Variants in WDR49 observed in about 807,000 individuals in gnomAD.
WDR49 encodes WD repeat domain 49, also known as cilia- and flagella-associated protein 337.
Under a neutral mutation model 119.5 loss-of-function variants are expected in WDR49, and 107 were observed. The ratio of observed to expected loss-of-function variants is 0.90; its 90% CI spans 0.77 to 1.05. The LOEUF is 1.05. Among genes scored for constraint, WDR49 ranks in the 50% least tolerant of loss-of-function variants. The pLI, the probability that WDR49 is intolerant of heterozygous loss-of-function variation, is 0.00. For missense variants in WDR49, 1,240 were observed against 1,220.5 expected (o/e 1.02, Z -0.24); for synonymous variants, 425 against 418.8 (o/e 1.01, Z -0.18).
intron 9 of WDR49, 90 bp from the exon 10 acceptor site, chr3:167,554,888 A>G: frequency 6.4e-6 from 6 of 931,280 alleles, no homozygotes; most frequent in Non-Finnish European, 9.5e-6. Flanking sequence ...ATATGTAATC[A>G]TTAAAGAAAA....
chr3:167,527,996 T>C lies in WDR49; in HGVS notation c.2428A>G (p.Lys810Glu). The C allele has an allele frequency of 6.2e-7, 1 of 1,612,994 alleles. No individual in the cohort carries two copies. The highest frequency in any genetic ancestry group is 2.2e-5 in the East Asian group (1 of 44,804). The part of the protein sequence containing the change: ...NIEEYCLNSS[K>E]NKITKAPTLI... ...GTTGGGGCCTTGGTGATTTTGTTCT[T>C]ACTGGAGTTAAGACAGTACTCCTGA... The change falls in exon 15 of 19, where the codon AAG (lysine) becomes GAG (glutamate). Residue 810 changes from lysine to glutamate, a missense_variant. Transcript: ENST00000682715.
chr3:167,479,950 G>T (rs929249095), intron 18 of WDR49, among the ~76,000 whole-genome samples: 7 of 152,028 alleles, frequency 4.6e-5, no homozygotes, highest in Non-Finnish European at 1.0e-4. Flanking sequence ...GGAAAAAAAG[G>T]CCGGGCACGG....
At chr3:167,623,568 A>C (rs1263844354) in intron 3 of WDR49, among the ~76,000 whole-genome samples, 1 of 152,014 alleles carries the variant, frequency 6.6e-6, no homozygotes, top group East Asian at 1.9e-4. Flanking sequence ...TACAACAACA[A>C]CAACAAAAAT....
chr3:167,488,164 AC>A (rs1358067008), intron 18 of WDR49, among the ~76,000 whole-genome samples: 1 of 150,708 alleles, frequency 6.6e-6, no homozygotes, highest in Non-Finnish European at 1.5e-5. Context: ...ACACACACAC[AC>A]ACACACACAC....
intron 8 of WDR49, among the ~76,000 whole-genome samples, chr3:167,573,812 C>T (rs1183496439): frequency 6.6e-6 from 1 of 152,166 alleles, no homozygotes; most frequent in African/African-American, 2.4e-5. Context: ...CCTAAGATCC[C>T]TTTACTGCTT....
chr3:167,605,422 G>C (rs578041433), intron 5 of WDR49, among the ~76,000 whole-genome samples: 1 of 152,058 alleles, frequency 6.6e-6, no homozygotes, highest in Non-Finnish European at 1.5e-5. Flanking sequence ...TCAAAACATG[G>C]CATTCAATCC....
At chr3:167,631,565 T>C (rs1002655834) in intron 2 of WDR49, among the ~76,000 whole-genome samples, 4 of 152,122 alleles carry the variant, frequency 2.6e-5, no homozygotes, top group African/African-American at 9.7e-5. Context: ...TAACTGTATT[T>C]CAAGCAAATA....
chr3:167,497,256 G>A (rs1385136272), intron 18 of WDR49, among the ~76,000 whole-genome samples: 1 of 152,126 alleles, frequency 6.6e-6, no homozygotes, highest in African/African-American at 2.4e-5. Flanking sequence ...ACAAGTTGGT[G>A]AAGCTTTTAA....
chr3:167,573,391 T>TACACACACACAC lies in WDR49; in HGVS notation c.1509+2515_1509+2526dup, dbSNP rs57955643. Among the ~76,000 whole-genome samples the TACACACACACAC allele has an allele frequency of 1.3e-3, 187 of 142,354 alleles. 1 individual carries two copies. Among genetic ancestry groups the TACACACACACAC allele is most frequent in the Middle Eastern group, 3.7e-3 (1 of 270 alleles). The allele number at this position is 142,354 out of a possible 152,430, so 93.4% of individuals were successfully genotyped here. The stretch of plus-strand genomic sequence containing the variant: ...AGAATCCAAATAGCTTTATGTGGAA[T>TACACACACACAC]ACACACACACACACACACACACACA... On this transcript the variant is annotated intron_variant, in intron 8 of 18. Transcript: ENST00000682715.
At chr3:167,505,228 C>A (rs1751718843) in intron 17 of WDR49, 79 bp downstream of exon 17, 2 of 1,287,852 alleles carry the variant, frequency 1.6e-6, no homozygotes, top group Non-Finnish European at 2.0e-6. Context: ...ACATTCCTGA[C>A]ACACAGAGTA....
intron 10 of WDR49, among the ~76,000 whole-genome samples, chr3:167,545,050 A>C (rs1339010477): frequency 6.6e-6 from 1 of 152,036 alleles, no homozygotes; most frequent in African/African-American, 2.4e-5. Context: ...ATAAATAGAA[A>C]ATTTTTAAAA....
chr3:167,629,087 C>G (rs1717253838), intron 2 of WDR49, among the ~76,000 whole-genome samples: 1 of 152,034 alleles, frequency 6.6e-6, no homozygotes, highest in South Asian at 2.1e-4. Flanking sequence ...GAGACTCCAT[C>G]TCTACAAAAA....
chr3:167,582,993 T>C (rs574370357), intron 7 of WDR49, among the ~76,000 whole-genome samples: 10 of 148,094 alleles, frequency 6.8e-5, no homozygotes, highest in African/African-American at 2.2e-4. Context: ...CACACACAGA[T>C]AGAGAGAGAA....
chr3:167,621,303 A>G (rs1333602980), intron 4 of WDR49, among the ~76,000 whole-genome samples, 164 bp downstream of exon 4: 3 of 152,146 alleles, frequency 2.0e-5, no homozygotes, highest in South Asian at 2.1e-4. Flanking sequence ...TTTGTACGCA[A>G]GAAGACAAAT....
intron 16 of WDR49, among the ~76,000 whole-genome samples, chr3:167,521,749 C>A (rs1752443131): frequency 6.6e-6 from 1 of 151,940 alleles, no homozygotes; most frequent in Non-Finnish European, 1.5e-5. Flanking sequence ...GTGTAGAAAA[C>A]AAAAGAACTA....
intron 8 of WDR49, chr3:167,575,271 C>T (rs1259856977): frequency 3.0e-6 from 3 of 985,750 alleles, no homozygotes; most frequent in Non-Finnish European, 3.6e-6. Flanking sequence ...CCTGGGCCGC[C>T]CTGTCCTCCA....
At chr3:167,587,042 A>G (rs1472026830) in intron 7 of WDR49, among the ~76,000 whole-genome samples, 1 of 152,148 alleles carries the variant, frequency 6.6e-6, no homozygotes, top group African/African-American at 2.4e-5. Flanking sequence ...TTCCAGAAAG[A>G]CATTGCCCCT....
chr3:167,513,515 T>C (rs937505618), intron 16 of WDR49, among the ~76,000 whole-genome samples: 1 of 152,072 alleles, frequency 6.6e-6, no homozygotes, highest in East Asian at 1.9e-4. Flanking sequence ...CACCCTGAAG[T>C]ACACAGACCA....
intron 12 of WDR49, among the ~76,000 whole-genome samples, chr3:167,531,721 C>T (rs1052248049): frequency 2.0e-5 from 3 of 152,014 alleles, no homozygotes; most frequent in Non-Finnish European, 4.4e-5. Flanking sequence ...TATTTGTTAG[C>T]GAGTTACTCT....
Sources: allele counts gnomAD v4.1 joint callset (sites outside exome capture counted in the v4.1 genomes callset), GRCh38; gene constraint gnomAD v4.1.1; transcripts MANE v1.5; gene names NCBI Gene and HGNC (gene_info 2026-07-23, HGNC 2026-07-21).